The following CAMK1D variants were observed in gnomAD, a reference collection of about 807,000 sequenced individuals.
CAMK1D encodes calcium/calmodulin dependent protein kinase ID.
In CAMK1D, 9 loss-of-function variants were observed where a neutral mutation model predicts 47.7. That is an observed-to-expected ratio of 0.19 (90% CI 0.11 to 0.33). The LOEUF is 0.33. CAMK1D is among the 10% of genes least tolerant of loss of function. CAMK1D has a pLI of 1.00. For missense variants in CAMK1D, 291 were observed against 488.7 expected (o/e 0.60, Z 3.81); for synonymous variants, 184 against 184.9 (o/e 0.99, Z 0.04).
intron 1 of CAMK1D, among the ~76,000 whole-genome samples, chr10:12,443,172 T>C (rs1321690656): frequency 6.6e-6 from 1 of 152,080 alleles, no homozygotes; most frequent in African/African-American, 2.4e-5. Context: ...GTAGTGAAAC[T>C]GACTCGAGGA....
intron 3 of CAMK1D, among the ~76,000 whole-genome samples, chr10:12,708,367 G>A (rs1180096342): frequency 2.0e-5 from 3 of 152,108 alleles, no homozygotes; most frequent in African/African-American, 4.8e-5. Flanking sequence ...AGAAGGAAGC[G>A]CCGTAACTCC....
intron 2 of CAMK1D, among the ~76,000 whole-genome samples, chr10:12,565,571 A>G (rs1028994884): frequency 6.6e-6 from 1 of 152,184 alleles, no homozygotes; most frequent in Non-Finnish European, 1.5e-5. Context: ...AGTTTTGTAT[A>G]TCTTTTTATT....
chr10:12,553,639 C>T (rs113504085), intron 2 of CAMK1D, among the ~76,000 whole-genome samples: 12 of 152,236 alleles, frequency 7.9e-5, no homozygotes, highest in South Asian at 6.2e-4. Flanking sequence ...TCCGAGTGAC[C>T]GTGGGCCGGC....
intron 1 of CAMK1D, among the ~76,000 whole-genome samples, chr10:12,403,948 A>G (rs1839320783): frequency 6.7e-6 from 1 of 150,286 alleles, no homozygotes; most frequent in Non-Finnish European, 1.5e-5. Context: ...AGGTGGTAGT[A>G]CTGGGGCCAA....
At chr10:12,761,720 CTACAAAAA>C (rs566624112) in intron 4 of CAMK1D, among the ~76,000 whole-genome samples, 553 of 152,150 alleles carry the variant, frequency 3.6e-3, no homozygotes, top group Non-Finnish European at 6.1e-3. Flanking sequence ...AACCCCATCT[CTACAAAAA>C]TACAAAAATT....
At chr10:12,735,582 G>C (rs1190059186) in intron 3 of CAMK1D, among the ~76,000 whole-genome samples, 1 of 152,158 alleles carries the variant, frequency 6.6e-6, no homozygotes, top group East Asian at 1.9e-4. Context: ...CGTGTCCAAG[G>C]GACAGTGATG....
chr10:12,825,757 G>A (rs765088590), intron 10 of CAMK1D, 67 bp downstream of exon 10: 11 of 1,609,970 alleles, frequency 6.8e-6, no homozygotes, highest in Non-Finnish European at 6.8e-6. Flanking sequence ...GGAGAGGAGG[G>A]AGCCGGCATC....
At chr10:12,725,953 C>T (rs754795769) in intron 3 of CAMK1D, among the ~76,000 whole-genome samples, 55 of 151,890 alleles carry the variant, frequency 3.6e-4, no homozygotes, top group Non-Finnish European at 6.3e-4. Context: ...GACGGGGCTT[C>T]CTCATGTTGG....
intron 1 of CAMK1D, among the ~76,000 whole-genome samples, chr10:12,468,036 C>T (rs773277138): frequency 4.6e-5 from 7 of 152,098 alleles, no homozygotes; most frequent in Non-Finnish European, 8.8e-5. Flanking sequence ...TACAAGCTAC[C>T]GATTTTATGC....
chr10:12,449,711 A>G (rs1287532367), intron 1 of CAMK1D, among the ~76,000 whole-genome samples: 2 of 152,234 alleles, frequency 1.3e-5, no homozygotes, highest in East Asian at 3.9e-4. Flanking sequence ...AGCTTAAAAA[A>G]AGACACATGT....
At position 12,357,838 on chromosome 10, in the gene CAMK1D, C is replaced by T. The variant is rs561154551; in HGVS notation, c.92+7928C>T. Among the ~76,000 whole-genome samples the T allele has an allele frequency of 7.2e-5, 11 of 152,036 alleles. No homozygotes were observed. The South Asian group carries it at 2.3e-3, about 32-fold the overall frequency. On this transcript the variant is annotated intron_variant, in intron 1 of 10. Coordinates refer to ENST00000619168, the MANE Select transcript of CAMK1D (RefSeq NM_153498.4). ...GTGGTGAGGGAGATTTCTTTTTCTC[C>T]GGGGTAGTTTTTTATTAGATCTCAC... is the stretch of plus-strand genomic sequence containing the variant.
Position 12,522,700 on chromosome 10 carries a change from A to G in CAMK1D, c.93-30525A>G, listed in dbSNP as rs1367268917. 3.3e-5 allele frequency among the ~76,000 whole-genome samples: 5 copies of G among 151,814 alleles called. No individual in the cohort carries two copies. The East Asian group carries it at 5.8e-4, about 18-fold the overall frequency. ...CCATTGTCATCATGGCCCGTTCTCAATGAGCTGTTGGGTACACCTCCCAGA... is the reference window on the plus strand; with the variant it reads ...CCATTGTCATCATGGCCCGTTCTCAGTGAGCTGTTGGGTACACCTCCCAGA... On this transcript the variant is annotated intron_variant, in intron 1 of 10. Coordinates refer to ENST00000619168, the MANE Select transcript of CAMK1D (RefSeq NM_153498.4).
At chr10:12,562,648 C>T (rs1296921118) in intron 2 of CAMK1D, among the ~76,000 whole-genome samples, 1 of 152,168 alleles carries the variant, frequency 6.6e-6, no homozygotes, top group Non-Finnish European at 1.5e-5. Flanking sequence ...TTGCATCTTT[C>T]CTGCTGCAGT....
chr10:12,463,325 A>T (rs1374123543), intron 1 of CAMK1D, among the ~76,000 whole-genome samples: 1 of 152,006 alleles, frequency 6.6e-6, no homozygotes, highest in African/African-American at 2.4e-5. Context: ...TTTAGTAGAG[A>T]CGGGGTTTCA....
At chr10:12,494,504 T>C (rs1834477690) in intron 1 of CAMK1D, among the ~76,000 whole-genome samples, 1 of 152,208 alleles carries the variant, frequency 6.6e-6, no homozygotes, top group Non-Finnish European at 1.5e-5. Context: ...TTCAGTTTAG[T>C]GCATCATAAA....
At chr10:12,524,183 T>C (rs1329146903) in intron 1 of CAMK1D, among the ~76,000 whole-genome samples, 3 of 151,686 alleles carry the variant, frequency 2.0e-5, no homozygotes, top group Non-Finnish European at 4.4e-5. Flanking sequence ...GCCAGGATGG[T>C]CTTGATCTCC....
intron 2 of CAMK1D, among the ~76,000 whole-genome samples, chr10:12,557,551 CAAAAAAAAA>C (rs5783273): frequency 5.9e-5 from 5 of 84,438 alleles, no homozygotes; most frequent in Middle Eastern, 5.2e-3. Context: ...GACTCCATCT[CAAAAAAAAA>C]AAAAAAAAAA....
At chr10:12,614,441 G>A (rs749460023) in intron 2 of CAMK1D, among the ~76,000 whole-genome samples, 6 of 152,094 alleles carry the variant, frequency 3.9e-5, no homozygotes, top group Non-Finnish European at 5.9e-5. Flanking sequence ...AATAGAGTAC[G>A]GTTATATTTT....
intron 1 of CAMK1D, among the ~76,000 whole-genome samples, chr10:12,408,169 C>CT (rs930764052): frequency 7.0e-4 from 95 of 136,552 alleles, no homozygotes; most frequent in African/African-American, 2.1e-3. Flanking sequence ...CTTTCATTTT[C>CT]TTTTTTTTTT....
Sources: gnomAD v4.1 joint callset for allele counts (sites outside exome capture counted in the v4.1 genomes callset) on GRCh38, gnomAD v4.1.1 for gene constraint, MANE v1.5 for transcripts, NCBI Gene and HGNC (gene_info 2026-07-23, HGNC 2026-07-21) for gene names.